RBFOX2: variants seen among roughly 807,000 people sequenced by gnomAD.
The protein encoded by RBFOX2 is RNA binding protein fox-1 homolog 2.
RBFOX2 carries 10 observed loss-of-function variants against 49.1 expected under a neutral mutation model. The ratio of observed to expected loss-of-function variants is 0.20; its 90% CI spans 0.13 to 0.35. The LOEUF (loss-of-function observed/expected upper bound fraction) is 0.35, where lower values mean the gene tolerates loss of function less well. RBFOX2 is among the 10% of genes least tolerant of loss of function. The pLI is 1.00. For missense variants in RBFOX2, 323 were observed against 486.9 expected (o/e 0.66, Z 3.17); for synonymous variants, 183 against 187.4 (o/e 0.98, Z 0.19).
intron 9 of RBFOX2, among the ~76,000 whole-genome samples, chr22:35,751,051 C>G (rs1934725576): frequency 6.6e-6 from 1 of 151,754 alleles, no homozygotes; most frequent in Admixed American, 6.5e-5. Context: ...CCACGTTGAC[C>G]ACATGATCTT....
intron 1 of RBFOX2, among the ~76,000 whole-genome samples, chr22:35,832,434 C>T (rs865979294): frequency 6.6e-6 from 1 of 152,100 alleles, no homozygotes; most frequent in Middle Eastern, 3.2e-3. Context: ...AAACTTATAA[C>T]AAAGATATGA....
At chr22:35,871,844 T>C (rs567002786) in intron 1 of RBFOX2, among the ~76,000 whole-genome samples, 5 of 152,242 alleles carry the variant, frequency 3.3e-5, no homozygotes, top group African/African-American at 9.6e-5. Context: ...CCCTGGTACA[T>C]GGGTAATGAG....
intron 2 of RBFOX2, among the ~76,000 whole-genome samples, chr22:35,809,500 C>T (rs1198904715): frequency 6.6e-6 from 1 of 152,122 alleles, no homozygotes; most frequent in Non-Finnish European, 1.5e-5. Context: ...CCAGGACCTA[C>T]ATATGGAGTA....
exon 1 of RBFOX2, chr22:35,840,575 C>T: frequency 8.5e-7 from 1 of 1,178,138 alleles, no homozygotes; most frequent in Non-Finnish European, 1.1e-6. Flanking sequence ...CAGAAGCAGG[C>T]CTGCTGGAGA....
intron 1 of RBFOX2, among the ~76,000 whole-genome samples, chr22:35,914,679 G>A (rs573539473): frequency 2.0e-5 from 3 of 152,198 alleles, no homozygotes; most frequent in Non-Finnish European, 4.4e-5. Flanking sequence ...GGAGTTGGCT[G>A]ACTCCTTAGG....
chr22:35,819,316 A>G (rs1325289683), intron 1 of RBFOX2, among the ~76,000 whole-genome samples: 1 of 152,216 alleles, frequency 6.6e-6, no homozygotes, highest in Non-Finnish European at 1.5e-5. Context: ...TAAGATACAT[A>G]TAAGGCTATA....
At chr22:36,008,113 G>C (rs1047779852) in intron 1 of RBFOX2, among the ~76,000 whole-genome samples, 6 of 152,132 alleles carry the variant, frequency 3.9e-5, no homozygotes, top group Non-Finnish European at 8.8e-5. Context: ...CTTCATGGAA[G>C]TTATGTGACT....
chr22:35,963,397 C>T (rs191392825), upstream of RBFOX2, among the ~76,000 whole-genome samples: 55 of 152,222 alleles, frequency 3.6e-4, no homozygotes, highest in Admixed American at 2.9e-3. Context: ...CTATGGACAC[C>T]ATGGTTCCAC....
At chr22:35,964,943 T>A (rs904615982), upstream of RBFOX2, among the ~76,000 whole-genome samples, 19 of 151,944 alleles carry the variant, frequency 1.3e-4, no homozygotes, top group African/African-American at 3.6e-4. Context: ...AAATAGTTAT[T>A]GTCTTTCAAA....
chr22:35,944,839 G>T (rs1018479239), intron 1 of RBFOX2, among the ~76,000 whole-genome samples: 1 of 152,072 alleles, frequency 6.6e-6, no homozygotes, highest in Non-Finnish European at 1.5e-5. Context: ...ACTTTGGGAG[G>T]GTGAGGTGGG....
At chr22:35,906,632 G>C (rs1347291605) in intron 1 of RBFOX2, among the ~76,000 whole-genome samples, 1 of 152,062 alleles carries the variant, frequency 6.6e-6, no homozygotes, top group Non-Finnish European at 1.5e-5. Flanking sequence ...CTGGCCAACA[G>C]AGTGAAACCC....
chr22:35,981,450 T>C (rs1219676301), intron 1 of RBFOX2, among the ~76,000 whole-genome samples: 1 of 152,106 alleles, frequency 6.6e-6, no homozygotes, highest in East Asian at 1.9e-4. Flanking sequence ...GAGACCAGCC[T>C]GGCCAACATG....
intron 1 of RBFOX2, among the ~76,000 whole-genome samples, chr22:35,866,632 T>C (rs1210675759): frequency 2.0e-5 from 3 of 151,960 alleles, no homozygotes; most frequent in Non-Finnish European, 4.4e-5. Context: ...GGGTGGTGAG[T>C]TCCTTGGGTT....
At position 35,756,129 on chromosome 22, in the gene RBFOX2, G is replaced by A. The variant is rs779612165; in HGVS notation, c.887+3759C>T. On this transcript the variant is annotated intron_variant, in intron 9 of 11. Coordinates refer to ENST00000405409, the Ensembl canonical transcript of RBFOX2. ...CATAGAGGTCAGCACCGTAAAATCC[G>A]TCCTGGTAAACCACACTGCAGAAAA... 108 of 1,501,098 alleles carry A rather than the reference G, an allele frequency of 7.2e-5. No homozygotes were observed. The highest frequency in any genetic ancestry group is 1.1e-4 in the African/African-American group (8 of 71,206). The allele number at this position is 1,501,098 out of a possible 1,614,324, so 93.0% of individuals were successfully genotyped here. A position where few individuals can be genotyped will look rare whatever the true frequency, so the allele number is the denominator to read the frequency against.
At chr22:35,783,649 AGAAGTGAACACCT>A (rs1437002643) in intron 2 of RBFOX2, among the ~76,000 whole-genome samples, 1 of 152,158 alleles carries the variant, frequency 6.6e-6, no homozygotes, top group Non-Finnish European at 1.5e-5. Context: ...ATCCGGAATC[AGAAGTGAACACCT>A]GAATAATGAC....
At chr22:35,843,172 G>C (rs1188635043), upstream of RBFOX2, among the ~76,000 whole-genome samples, 1 of 152,142 alleles carries the variant, frequency 6.6e-6, no homozygotes. Context: ...GGAGTCCCCT[G>C]GTGGCTGAAT....
chr22:35,836,908 C>T (rs1419812153), intron 1 of RBFOX2, among the ~76,000 whole-genome samples: 2 of 152,170 alleles, frequency 1.3e-5, no homozygotes, highest in South Asian at 2.1e-4. Flanking sequence ...CCTTCATATT[C>T]CATATTGCTA....
At chr22:35,884,861 C>A (rs896130998) in intron 1 of RBFOX2, among the ~76,000 whole-genome samples, 1 of 152,072 alleles carries the variant, frequency 6.6e-6, no homozygotes, top group Non-Finnish European at 1.5e-5. Flanking sequence ...AGCAAGACTG[C>A]GCATTTGAAT....
At chr22:35,768,134 C>T (rs1397274025) in intron 5 of RBFOX2, 123 bp downstream of exon 6, 1 of 1,004,006 alleles carries the variant, frequency 1.0e-6, no homozygotes, top group Admixed American at 2.2e-5. Context: ...GACAGAGATA[C>T]AAACACACAT....
Sources: allele counts gnomAD v4.1 joint callset (sites outside exome capture counted in the v4.1 genomes callset), GRCh38; gene constraint gnomAD v4.1.1; transcripts MANE v1.5; gene names NCBI Gene and HGNC (gene_info 2026-07-23, HGNC 2026-07-21).